The following MPRIP variants were observed in gnomAD, a reference collection of about 807,000 sequenced individuals.
The protein encoded by MPRIP is myosin phosphatase Rho interacting protein.
MPRIP carries 59 observed loss-of-function variants against 234.9 expected under a neutral mutation model. That is an observed-to-expected ratio of 0.25 (90% CI 0.20 to 0.31). MPRIP has a LOEUF of 0.31. MPRIP is among the 10% of genes least tolerant of loss of function. The pLI, the probability that MPRIP is intolerant of heterozygous loss-of-function variation, is 1.00. For synonymous variants in MPRIP, 1,144 were observed against 1,263.9 expected, an observed-to-expected ratio of 0.91 and a Z score of 2.01; for missense variants, 2,436 against 3,071.0, an observed-to-expected ratio of 0.79 and a Z score of 4.89.
intron 3 of MPRIP, among the ~76,000 whole-genome samples, chr17:17,079,998 A>G (rs1163291915): frequency 6.6e-6 from 1 of 152,202 alleles, no homozygotes; most frequent in Non-Finnish European, 1.5e-5. Context: ...GGACTGTGCC[A>G]GGGATGTGGG....
intron 3 of MPRIP, among the ~76,000 whole-genome samples, chr17:17,106,054 A>G (rs1168318938): frequency 2.6e-5 from 4 of 152,226 alleles, no homozygotes; most frequent in Non-Finnish European, 4.4e-5. Context: ...GATCTTCCTG[A>G]GTCCCTCAGT....
chr17:17,085,679 C>T (rs911916207), intron 3 of MPRIP, among the ~76,000 whole-genome samples: 5 of 152,158 alleles, frequency 3.3e-5, no homozygotes, highest in Non-Finnish European at 7.3e-5. Context: ...TTTGGGAGGC[C>T]GAGGCGAGCA....
rs1025595303 is a variant in MPRIP at position 17,186,031 on chromosome 17, C to T, written c.*1137C>T. 2 of 154,630 alleles carry T rather than the reference C, an allele frequency of 1.3e-5. No individual in the cohort carries two copies. Among genetic ancestry groups the T allele is most frequent in the African/African-American group, 4.8e-5 (2 of 41,426 alleles). The allele number at this position is 154,630 out of a possible 1,614,324, so 9.6% of individuals were successfully genotyped here. On this transcript the variant is annotated 3_prime_UTR_variant, in exon 24 of 24. Coordinates refer to ENST00000651222, the MANE Select transcript of MPRIP (RefSeq NM_001364716.4). ...TTGAGGAAGACCTTTTTAACCACCA[C>T]AAAACATTCTATGGCAATTCTTGAA...
chr17:17,077,505 C>G (rs1270880994), intron 2 of MPRIP: 1 of 155,510 alleles, frequency 6.4e-6, no homozygotes, highest in Non-Finnish European at 1.4e-5. Flanking sequence ...AATTCTGGAG[C>G]CTGGCTGTTT....
intron 13 of MPRIP, among the ~76,000 whole-genome samples, chr17:17,157,341 C>T (rs149097131): frequency 4.1e-4 from 63 of 152,344 alleles, no homozygotes; most frequent in African/African-American, 1.4e-3. Context: ...GCTCATGTCC[C>T]GTTGCTGGCT....
At chr17:17,134,389 G>T (rs2090653854) in intron 5 of MPRIP, among the ~76,000 whole-genome samples, 1 of 152,194 alleles carries the variant, frequency 6.6e-6, no homozygotes, top group Admixed American at 6.5e-5. Context: ...AGCAGCCCAG[G>T]ATGCTGTGCT....
intron 3 of MPRIP, among the ~76,000 whole-genome samples, chr17:17,086,007 A>G (rs577624384): frequency 1.3e-5 from 2 of 152,364 alleles, no homozygotes; most frequent in Admixed American, 1.3e-4. Context: ...AGACCTGTTC[A>G]GGAAAGGCAC....
At chr17:17,144,812 C>G (rs544744710) in intron 9 of MPRIP, among the ~76,000 whole-genome samples, 6 of 152,146 alleles carry the variant, frequency 3.9e-5, no homozygotes, top group African/African-American at 1.4e-4. Context: ...GCTGAGATCG[C>G]GCCACTGCAC....
chr17:17,112,279 G>A (rs1313665393), intron 3 of MPRIP, among the ~76,000 whole-genome samples: 4 of 152,100 alleles, frequency 2.6e-5, no homozygotes, highest in South Asian at 2.1e-4. Flanking sequence ...GACAAGTCTC[G>A]AGCCTTGTGC....
rs2090754524 is a variant in MPRIP at position 17,138,637 on chromosome 17, G to A, written c.1250+208G>A. Among the ~76,000 whole-genome samples, 1 of 152,246 alleles carries A rather than the reference G, an allele frequency of 6.6e-6. No individual in the cohort carries two copies. Among genetic ancestry groups the A allele is most frequent in the South Asian group, 2.1e-4 (1 of 4,836 alleles). ...CAGAATGCAGAATTTCTGAGCATCAGAGGTCGACGCCAAGAATAGCAGTTT... is the reference window on the plus strand; with the variant it reads ...CAGAATGCAGAATTTCTGAGCATCAAAGGTCGACGCCAAGAATAGCAGTTT... On this transcript the variant is annotated intron_variant, in intron 7 of 23. Transcript: ENST00000651222. The surrounding 1 kb of genome is among the most constrained non-coding windows in gnomAD (Gnocchi z 5.8).
At chr17:17,161,101 C>A in intron 14 of MPRIP, 139 bp from the exon 15 acceptor site, 2 of 559,006 alleles carry the variant, frequency 3.6e-6, no homozygotes, top group East Asian at 3.1e-5. Flanking sequence ...TGGTAAAGGC[C>A]ATATCAGCAC....
At chr17:17,180,155 G>C in intron 23 of MPRIP, 67 bp downstream of exon 23, 2 of 1,291,216 alleles carry the variant, frequency 1.5e-6, no homozygotes, top group Non-Finnish European at 2.1e-6. Flanking sequence ...AGCCCAAATT[G>C]AAGTATGAGT....
chr17:17,116,253 G>A (rs1321746367), intron 3 of MPRIP, among the ~76,000 whole-genome samples: 1 of 152,174 alleles, frequency 6.6e-6, no homozygotes, highest in Non-Finnish European at 1.5e-5. Flanking sequence ...CATGGCCTCT[G>A]CACAGGGGCT....
intron 3 of MPRIP, among the ~76,000 whole-genome samples, chr17:17,099,864 A>T (rs1424226823): frequency 6.6e-6 from 1 of 152,244 alleles, no homozygotes; most frequent in Non-Finnish European, 1.5e-5. Flanking sequence ...CCAATTATAA[A>T]ACTAACATAT....
chr17:17,180,256 C>T (rs1399024097), intron 23 of MPRIP, 168 bp downstream of exon 23: 4 of 632,546 alleles, frequency 6.3e-6, no homozygotes, highest in Admixed American at 6.3e-5. Flanking sequence ...TGGCTTTGAG[C>T]TCTGTGTCTG....
chr17:17,153,242 G>A (rs187862516), intron 12 of MPRIP, among the ~76,000 whole-genome samples: 21 of 152,248 alleles, frequency 1.4e-4, no homozygotes, highest in Middle Eastern at 3.4e-3. Flanking sequence ...AGGCCGGTGC[G>A]TGATCTCCTG....
intron 1 of MPRIP, among the ~76,000 whole-genome samples, chr17:17,053,197 T>A (rs1391606272): frequency 6.6e-6 from 1 of 152,070 alleles, no homozygotes; most frequent in East Asian, 1.9e-4. Context: ...TTCATTTCAG[T>A]GCGCCCAGGC....
chr17:17,143,636 A>G lies in MPRIP; in HGVS notation c.1470A>G (p.Ser490=). 1.2e-6 allele frequency: 2 copies of G among 1,607,206 alleles called. No individual in the cohort carries two copies. Among genetic ancestry groups the G allele is most frequent in the Non-Finnish European group, 1.7e-6 (2 of 1,177,110 alleles). ...TGTCTCCACACCGAAGAGCCAAGTC[A>G]CTGGACAGGAGGTCCACGGAGCCCT... ...SPLSPHRRAK[S]LDRRSTEPSV... The change falls in exon 9 of 24, where the codon TCA becomes TCG. Residue 490 remains serine (S), a synonymous_variant. Coordinates refer to ENST00000651222, the MANE Select transcript of MPRIP (RefSeq NM_001364716.4).
At chr17:17,126,572 TG>T (rs2090493737) in intron 3 of MPRIP, 129 bp from the exon 4 acceptor site, 4 of 1,064,088 alleles carry the variant, frequency 3.8e-6, no homozygotes, top group Middle Eastern at 3.2e-4. Flanking sequence ...GAAGAGGAGC[TG>T]GGGCTGGAGT....
Sources: gnomAD v4.1 joint callset for allele counts (sites outside exome capture counted in the v4.1 genomes callset) on GRCh38, gnomAD v4.1.1 for gene constraint, Gnocchi (gnomAD v3.1) non-coding constraint, MANE v1.5 for transcripts, NCBI Gene and HGNC (gene_info 2026-07-23, HGNC 2026-07-21) for gene names.